The following PRP4K variants were observed in gnomAD, a reference collection of about 807,000 sequenced individuals.
PRP4K encodes pre-mRNA processing factor kinase PRP4K.
the PRP4K span, among the ~76,000 whole-genome samples, chr6:4,026,388 C>G: frequency 6.7e-6 from 1 of 148,792 alleles, no homozygotes; most frequent in Non-Finnish European, 1.5e-5. Flanking sequence ...CTGCAGCCTT[C>G]GCCTCCCAGG....
At chr6:4,034,059 G>A in the PRP4K span, among the ~76,000 whole-genome samples, 8 of 152,030 alleles carry the variant, frequency 5.3e-5, no homozygotes, top group African/African-American at 1.9e-4. Context: ...AAATAAGCCT[G>A]TAAATTGTCT....
At chr6:4,052,332 C>T in the PRP4K span, among the ~76,000 whole-genome samples, 4 of 152,088 alleles carry the variant, frequency 2.6e-5, no homozygotes, top group African/African-American at 9.7e-5. Context: ...AGTCTTGGCT[C>T]GCTGCAACCT....
At chr6:4,060,650 T>C in the PRP4K span, 1 of 1,557,958 alleles carries the variant, frequency 6.4e-7, no homozygotes, top group Non-Finnish European at 8.7e-7. The surrounding 1 kb of genome is among the most constrained non-coding windows in gnomAD (Gnocchi z 4.7). Flanking sequence ...TTTGAGTAAA[T>C]ACAAAGACTG....
the PRP4K span, chr6:4,058,653 A>AT: frequency 2.0e-6 from 2 of 978,096 alleles, no homozygotes; most frequent in Non-Finnish European, 3.2e-6. Flanking sequence ...TATTTGACTT[A>AT]TTGTATATTA....
At chr6:4,051,281 ATGTGGGTT>A in the PRP4K span, among the ~76,000 whole-genome samples, 2 of 151,658 alleles carry the variant, frequency 1.3e-5, no homozygotes, top group Non-Finnish European at 2.9e-5. Context: ...TAATGTCAAG[ATGTGGGTT>A]TTGTTTTGTT....
the PRP4K span, among the ~76,000 whole-genome samples, chr6:4,022,822 T>A: frequency 6.6e-6 from 1 of 152,254 alleles, no homozygotes; most frequent in African/African-American, 2.4e-5. Flanking sequence ...GCCAGTACCG[T>A]GCAGATCTCA....
the PRP4K span, chr6:4,049,121 T>C: frequency 6.3e-7 from 1 of 1,586,420 alleles, no homozygotes; most frequent in South Asian, 1.1e-5. Flanking sequence ...GTTCACATTT[T>C]ATATTAACTT....
chr6:4,041,174 AC>A, the PRP4K span, among the ~76,000 whole-genome samples: 5 of 152,064 alleles, frequency 3.3e-5, no homozygotes, highest in Non-Finnish European at 7.4e-5. Flanking sequence ...TTGTGAGCCT[AC>A]CCTTTGTTTT....
chr6:4,024,401 C>T, the PRP4K span, among the ~76,000 whole-genome samples: 1 of 152,098 alleles, frequency 6.6e-6, no homozygotes, highest in Non-Finnish European at 1.5e-5. Flanking sequence ...TGGTAAATAG[C>T]AGTGGCGTTC....
the PRP4K span, among the ~76,000 whole-genome samples, chr6:4,023,941 A>T: frequency 1.3e-5 from 2 of 150,542 alleles, no homozygotes; most frequent in Non-Finnish European, 2.9e-5. Flanking sequence ...ATCTTGGCTC[A>T]CTGAAACCTT....
the PRP4K span, chr6:4,062,506 G>A: frequency 6.6e-6 from 1 of 152,472 alleles, no homozygotes; most frequent in Admixed American, 6.6e-5. The surrounding 1 kb of genome is among the most constrained non-coding windows in gnomAD (Gnocchi z 4.2). Context: ...CAGATTTTAG[G>A]GGTTTAAATA....
At chr6:4,049,870 A>G in the PRP4K span, 1 of 1,614,136 alleles carries the variant, frequency 6.2e-7, no homozygotes. Flanking sequence ...ATCAGAAACA[A>G]TGAGCTCATG....
chr6:4,049,894 C>T, the PRP4K span: 85 of 1,612,918 alleles, frequency 5.3e-5, no homozygotes, highest in Non-Finnish European at 6.5e-5. Context: ...GTTCAGAAGA[C>T]GTGAGGAAAC....
the PRP4K span, chr6:4,056,396 C>T: frequency 6.2e-7 from 1 of 1,614,000 alleles, no homozygotes; most frequent in Non-Finnish European, 8.5e-7. Context: ...TGACATAACA[C>T]CTTATCTTGT....
At chr6:4,062,618 A>T in the PRP4K span, 1 of 152,642 alleles carries the variant, frequency 6.6e-6, no homozygotes, top group Admixed American at 6.5e-5. This position sits in a 1 kb window ranked among gnomAD's most constrained non-coding sequence, Gnocchi z 4.2. Context: ...TCAGAATAGC[A>T]GCATTGATTC....
chr6:4,051,299 T>G, the PRP4K span, among the ~76,000 whole-genome samples: 1 of 152,086 alleles, frequency 6.6e-6, no homozygotes, highest in Admixed American at 6.6e-5. Context: ...TTTGTTTTGT[T>G]TTTTTGTTTG....
chr6:4,051,377 G>C, the PRP4K span, among the ~76,000 whole-genome samples: 3 of 151,900 alleles, frequency 2.0e-5, no homozygotes, highest in East Asian at 5.8e-4. Context: ...GCGGTGGTGA[G>C]ATCTCAGCTC....
At chr6:4,054,735 A>G in the PRP4K span, among the ~76,000 whole-genome samples, 1 of 151,982 alleles carries the variant, frequency 6.6e-6, no homozygotes, top group Non-Finnish European at 1.5e-5. Flanking sequence ...TAATCTCCTA[A>G]CCTCGTGATC....
the PRP4K span, chr6:4,049,647 A>G: frequency 7.4e-7 from 1 of 1,353,398 alleles, no homozygotes; most frequent in Non-Finnish European, 1.0e-6. Context: ...ATTTAACACA[A>G]TTTTTAAATG....
Sources: allele counts gnomAD v4.1 joint callset (sites outside exome capture counted in the v4.1 genomes callset), GRCh38; gene constraint gnomAD v4.1.1; non-coding constraint Gnocchi (gnomAD v3.1); transcripts MANE v1.5; gene names NCBI Gene and HGNC (gene_info 2026-07-23, HGNC 2026-07-21).